Variants in FHIT observed in about 807,000 individuals in gnomAD.
The protein encoded by FHIT is fragile histidine triad diadenosine triphosphatase.
A neutral mutation model predicts 17.9 loss-of-function variants in FHIT; 19 were observed. The observed-to-expected ratio is 1.06, with a 90% CI of 0.74 to 1.56. FHIT has a LOEUF of 1.56. Among genes scored for constraint, FHIT ranks in the 40% most tolerant of loss-of-function variants. FHIT has a pLI of 0.00. For missense variants in FHIT, 248 were observed against 189.2 expected, an observed-to-expected ratio of 1.31 and a Z score of -1.82; for synonymous variants, 81 against 69.7, an observed-to-expected ratio of 1.16 and a Z score of -0.81.
At chr3:60,167,380 G>A (rs984172206) in intron 5 of FHIT, among the ~76,000 whole-genome samples, 10 of 152,184 alleles carry the variant, frequency 6.6e-5, no homozygotes, top group African/African-American at 2.2e-4. Context: ...GTTTGTGCAT[G>A]TATGTAAATA....
In FHIT at chr3:60,876,624, A is replaced by G. The variant is rs143121706; in HGVS notation, c.-110-54613T>C. 3.5e-4 allele frequency among the ~76,000 whole-genome samples: 53 copies of G among 152,350 alleles called. 1 individual carries two copies. The East Asian group carries it at 0.01, about 29-fold the overall frequency. On this transcript the variant is annotated intron_variant, in intron 3 of 9. Coordinates refer to ENST00000492590, the MANE Select transcript of FHIT (RefSeq NM_002012.4). ...AACAAGTAAATACAAAAGTGTATTT[A>G]AGTAGACATTATTCTTTTATGGCAT...
intron 5 of FHIT, among the ~76,000 whole-genome samples, chr3:60,245,146 G>C (rs1247036653): frequency 6.6e-6 from 1 of 152,024 alleles, no homozygotes; most frequent in Non-Finnish European, 1.5e-5. Flanking sequence ...AAGAAGTCAT[G>C]AGCTTCATTT....
chr3:60,757,616 C>T (rs1380249242), intron 4 of FHIT, among the ~76,000 whole-genome samples: 1 of 152,092 alleles, frequency 6.6e-6, no homozygotes, highest in Non-Finnish European at 1.5e-5. Context: ...GAAGTGGCAG[C>T]CCCTTGAGTT....
At chr3:60,255,955 G>A (rs77118295) in intron 5 of FHIT, among the ~76,000 whole-genome samples, 1,984 of 152,284 alleles carry the variant, frequency 0.013, 45 homozygotes, top group African/African-American at 0.046. Context: ...CAGCCCCTAA[G>A]TGAAACACTT....
At chr3:60,932,374 C>T (rs1271556807) in intron 3 of FHIT, among the ~76,000 whole-genome samples, 2 of 152,146 alleles carry the variant, frequency 1.3e-5, no homozygotes, top group African/African-American at 4.8e-5. Context: ...CCACCCTTCT[C>T]TGCCCTGCTG....
intron 2 of FHIT, among the ~76,000 whole-genome samples, chr3:61,086,933 C>A (rs2035323902): frequency 6.6e-6 from 1 of 152,104 alleles, no homozygotes; most frequent in Non-Finnish European, 1.5e-5. Context: ...TCCTACCACT[C>A]ACTCCCTTGT....
chr3:60,721,644 T>A (rs375860883), intron 4 of FHIT, among the ~76,000 whole-genome samples: 34 of 152,216 alleles, frequency 2.2e-4, no homozygotes, highest in African/African-American at 7.5e-4. Context: ...AAAGCATGAT[T>A]CATGAATATA....
intron 7 of FHIT, among the ~76,000 whole-genome samples, chr3:59,948,854 T>A (rs968864109): frequency 6.6e-6 from 1 of 152,142 alleles, no homozygotes; most frequent in Non-Finnish European, 1.5e-5. Flanking sequence ...TTCCCCACAG[T>A]TCCATGAATA....
At chr3:61,221,127 G>GT (rs1245277392) in intron 1 of FHIT, among the ~76,000 whole-genome samples, 1 of 152,138 alleles carries the variant, frequency 6.6e-6, no homozygotes, top group Non-Finnish European at 1.5e-5. Context: ...CCCTGGCTGG[G>GT]TTGGTGCCCA....
intron 7 of FHIT, among the ~76,000 whole-genome samples, chr3:59,936,615 T>G (rs921836147): frequency 8.5e-5 from 13 of 152,164 alleles, no homozygotes; most frequent in African/African-American, 2.9e-4. Context: ...TTCCATAATC[T>G]GTGCATTATT....
At chr3:60,417,748 C>A (rs1275170245) in intron 5 of FHIT, among the ~76,000 whole-genome samples, 1 of 152,136 alleles carries the variant, frequency 6.6e-6, no homozygotes, top group Non-Finnish European at 1.5e-5. Flanking sequence ...GTGGTCACAG[C>A]AAATACCCTG....
chr3:60,710,804 G>T (rs1196746190), intron 4 of FHIT, among the ~76,000 whole-genome samples: 1 of 152,192 alleles, frequency 6.6e-6, no homozygotes, highest in African/African-American at 2.4e-5. Flanking sequence ...CACAGATCAA[G>T]GAGGCCTGCC....
At chr3:59,868,191 T>C (rs1303049854) in intron 8 of FHIT, among the ~76,000 whole-genome samples, 1 of 152,130 alleles carries the variant, frequency 6.6e-6, no homozygotes, top group East Asian at 1.9e-4. Context: ...ACCTTCTTTC[T>C]CTGCATTGCA....
chr3:60,183,291 G>A (rs904668380), intron 5 of FHIT, among the ~76,000 whole-genome samples: 2 of 152,060 alleles, frequency 1.3e-5, no homozygotes, highest in South Asian at 2.1e-4. Context: ...CCAGCTACTT[G>A]GGAGGCTTAG....
At chr3:59,903,306 A>T (rs1235596121) in intron 8 of FHIT, among the ~76,000 whole-genome samples, 2 of 152,172 alleles carry the variant, frequency 1.3e-5, no homozygotes, top group Non-Finnish European at 2.9e-5. Flanking sequence ...GTGACAGCTA[A>T]TAGGCACAGG....
intron 5 of FHIT, among the ~76,000 whole-genome samples, chr3:60,414,708 G>T (rs1702179891): frequency 6.6e-6 from 1 of 152,122 alleles, no homozygotes; most frequent in Non-Finnish European, 1.5e-5. Context: ...AGATCAAAAG[G>T]TGGCATCTGC....
intron 2 of FHIT, among the ~76,000 whole-genome samples, chr3:61,058,525 C>A (rs891858884): frequency 6.6e-6 from 1 of 152,104 alleles, no homozygotes; most frequent in Non-Finnish European, 1.5e-5. Flanking sequence ...CAGACTTCCT[C>A]CTTGCTGTTC....
At chr3:60,881,004 C>G (rs987470609) in intron 3 of FHIT, among the ~76,000 whole-genome samples, 5 of 151,934 alleles carry the variant, frequency 3.3e-5, no homozygotes, top group Non-Finnish European at 5.9e-5. Context: ...TGATTTAAAA[C>G]AAAAGAAAAC....
rs369042342 is a variant in FHIT, at chr3:60,410,843, T to C, written c.103+126017A>G. ...ATTCTCATATTGCTTATTTAATGAC[T>C]TCCTGCAAACACAGACACCACAGCC... On this transcript the variant is annotated intron_variant, in intron 5 of 9. Coordinates refer to ENST00000492590, the MANE Select transcript of FHIT (RefSeq NM_002012.4). 5.9e-5 allele frequency among the ~76,000 whole-genome samples: 9 copies of C among 152,292 alleles called. 1 individual carries two copies. In the South Asian group the frequency reaches 6.2e-4, roughly 11 times the overall value.
Sources: gnomAD v4.1 joint callset for allele counts (sites outside exome capture counted in the v4.1 genomes callset) on GRCh38, gnomAD v4.1.1 for gene constraint, MANE v1.5 for transcripts, NCBI Gene and HGNC (gene_info 2026-07-23, HGNC 2026-07-21) for gene names.